The following CPLANE1 variants were observed in gnomAD, a reference collection of about 807,000 sequenced individuals.
CPLANE1 encodes ciliogenesis and planar polarity effector 1.
Under a neutral mutation model 362.5 loss-of-function variants are expected in CPLANE1, and 263 were observed. The observed-to-expected ratio is 0.73, with a 90% CI of 0.66 to 0.80. The LOEUF (loss-of-function observed/expected upper bound fraction) is 0.80. Ranked by LOEUF, CPLANE1 falls within the 30% of genes least tolerant of loss-of-function variation. The pLI, the probability that CPLANE1 is intolerant of heterozygous loss-of-function variation, is 0.00. For missense variants in CPLANE1, 3,461 were observed against 3,793.4 expected (o/e 0.91, Z 2.30); for synonymous variants, 1,212 against 1,302.6 (o/e 0.93, Z 1.50).
At chr5:37,150,035 C>T (rs1019476115) in intron 42 of CPLANE1, among the ~76,000 whole-genome samples, 2 of 152,240 alleles carry the variant, frequency 1.3e-5, no homozygotes, top group Non-Finnish European at 2.9e-5. Flanking sequence ...GAGAGGAGCC[C>T]TATCAGAATT....
intron 31 of CPLANE1, among the ~76,000 whole-genome samples, chr5:37,175,258 A>G (rs1389691547): frequency 6.6e-6 from 1 of 152,218 alleles, no homozygotes; most frequent in East Asian, 1.9e-4. Context: ...CTGTAGGTAC[A>G]GCTGGATGTG....
At chr5:37,175,576 A>G (rs971689819) in intron 31 of CPLANE1, among the ~76,000 whole-genome samples, 1 of 152,252 alleles carries the variant, frequency 6.6e-6, no homozygotes, top group Non-Finnish European at 1.5e-5. Flanking sequence ...GAGAATTAAA[A>G]GCATTTCAAA....
chr5:37,241,354 C>T (rs988744030), intron 6 of CPLANE1, among the ~76,000 whole-genome samples: 5 of 152,022 alleles, frequency 3.3e-5, no homozygotes, highest in Admixed American at 6.6e-5. Flanking sequence ...ACTCAGGAGG[C>T]TGAGACAGGA....
intron 51 of CPLANE1, among the ~76,000 whole-genome samples, chr5:37,109,697 C>G (rs1758557071): frequency 6.6e-6 from 1 of 152,140 alleles, no homozygotes; most frequent in South Asian, 2.1e-4. Context: ...TCACTCTGTC[C>G]CCAGGCTGGA....
chr5:37,227,120 T>C, intron 11 of CPLANE1, 47 bp from the exon 12 acceptor site: 1 of 1,506,172 alleles, frequency 6.6e-7, no homozygotes, highest in South Asian at 1.3e-5. Flanking sequence ...ATTTAATACC[T>C]TATCAATAGC....
At chr5:37,117,635 G>C (rs960781222) in intron 50 of CPLANE1, among the ~76,000 whole-genome samples, 5 of 152,130 alleles carry the variant, frequency 3.3e-5, no homozygotes, top group Admixed American at 2.0e-4. Flanking sequence ...GAGCAGCACA[G>C]GTTCTATGGG....
chr5:37,204,435 A>G (rs1018738924), intron 18 of CPLANE1, among the ~76,000 whole-genome samples: 1 of 152,174 alleles, frequency 6.6e-6, no homozygotes, highest in Non-Finnish European at 1.5e-5. Context: ...ATTTTATAGG[A>G]TTCCTGTGTG....
At chr5:37,084,714 A>G in the CPLANE1 span, among the ~76,000 whole-genome samples, 32 of 152,222 alleles carry the variant, frequency 2.1e-4, 2 homozygotes, top group South Asian at 6.4e-3. Context: ...CAGGAGGCAG[A>G]GAGCTGAGAT....
chr5:37,208,802 AAC>A (rs149979613), intron 16 of CPLANE1, among the ~76,000 whole-genome samples: 16,696 of 151,840 alleles, frequency 0.11, 979 homozygotes, highest in Admixed American at 0.15. Flanking sequence ...TTCTCTCCAT[AAC>A]AGTTATAACC....
rs769382837 is a variant in CPLANE1, at chr5:37,108,365, A to C, written c.9507T>G (p.Thr3169=). The C allele has an allele frequency of 1.1e-5, 18 of 1,614,050 alleles. No individual in the cohort carries two copies. The highest frequency in any genetic ancestry group is 1.4e-5 in the Non-Finnish European group (17 of 1,180,002). The change falls in exon 52 of 53, where the codon ACT becomes ACG. Residue 3169 remains threonine (T), a synonymous_variant. Transcript: ENST00000651892. ...AAGGTATCGTCCAGGGACTCACCAC[A>C]GTCTCCTCTCTTTCATACTCTACAC... ...QVCVEYEREE[T]VVSPWTIPSE...
chr5:37,230,755 A>T, intron 9 of CPLANE1, 112 bp downstream of exon 9: 1 of 670,666 alleles, frequency 1.5e-6, no homozygotes, highest in Non-Finnish European at 2.2e-6. Flanking sequence ...TGACAGACTC[A>T]AAGAAAAAGT....
Position 37,153,843 on chromosome 5 carries a change from T to A in CPLANE1, c.8270A>T (p.Lys2757Met). The change falls in exon 42 of 53, where the codon AAG becomes ATG. Residue 2757 changes from lysine to methionine, a missense_variant. Lys to Met is a moderately conservative substitution (Grantham distance 95). Transcript: ENST00000651892. Reference protein sequence around the residue: ...AAHQLEHLSAKLQKIDEQLLA... With the variant: ...AAHQLEHLSAMLQKIDEQLLA... The stretch of plus-strand genomic sequence containing the variant: ...CAACTGCTCGTCAATTTTCTGAAGC[T>A]TAGCACTGAGATGCTCTAGTTGGTG... 1 of 1,614,170 alleles carries A rather than the reference T, an allele frequency of 6.2e-7. No homozygotes were observed. Among genetic ancestry groups the A allele is most frequent in the South Asian group, 1.1e-5 (1 of 91,080 alleles).
intron 32 of CPLANE1, among the ~76,000 whole-genome samples, chr5:37,172,724 G>A (rs995722362): frequency 3.9e-5 from 6 of 152,282 alleles, no homozygotes; most frequent in South Asian, 2.1e-4. Context: ...AGCGGCTCAC[G>A]CCTGTAATCC....
intron 8 of CPLANE1, among the ~76,000 whole-genome samples, chr5:37,234,876 A>G (rs1441874232): frequency 2.0e-5 from 3 of 152,132 alleles, no homozygotes; most frequent in Non-Finnish European, 4.4e-5. Flanking sequence ...TTATTTCATA[A>G]TAGTCTTAAT....
the CPLANE1 span, among the ~76,000 whole-genome samples, chr5:37,095,120 G>A: frequency 6.6e-5 from 10 of 151,938 alleles, no homozygotes; most frequent in African/African-American, 2.4e-4. Context: ...ACCAAGAAAG[G>A]ACATAACCAA....
chr5:37,149,797 G>A (rs1772962573), intron 42 of CPLANE1, among the ~76,000 whole-genome samples: 1 of 152,118 alleles, frequency 6.6e-6, no homozygotes, highest in Non-Finnish European at 1.5e-5. Context: ...GTACGTAAGG[G>A]CTTTGAGCAA....
intron 50 of CPLANE1, among the ~76,000 whole-genome samples, chr5:37,115,722 G>A (rs1030361995): frequency 4.7e-5 from 7 of 148,704 alleles, no homozygotes; most frequent in African/African-American, 7.5e-5. Context: ...TCAGCTTCCC[G>A]AGCAGCTGGG....
intron 52 of CPLANE1, 43 bp downstream of exon 52, chr5:37,108,250 A>G (rs548216085): frequency 1.3e-6 from 2 of 1,544,226 alleles, no homozygotes; most frequent in Admixed American, 1.8e-5. Flanking sequence ...CCTGAAGAAC[A>G]TAGAGCAATC....
chr5:37,215,344 T>C (rs1203154090), intron 15 of CPLANE1, among the ~76,000 whole-genome samples: 2 of 152,152 alleles, frequency 1.3e-5, no homozygotes, highest in South Asian at 4.1e-4. Flanking sequence ...CCACTGTACC[T>C]GGCCTCTTAG....
Sources: gnomAD v4.1 joint callset for allele counts (sites outside exome capture counted in the v4.1 genomes callset) on GRCh38, gnomAD v4.1.1 for gene constraint, MANE v1.5 for transcripts, NCBI Gene and HGNC (gene_info 2026-07-23, HGNC 2026-07-21) for gene names.